Variants in EPS15 observed in about 807,000 individuals in gnomAD.
The protein encoded by EPS15 is epidermal growth factor receptor pathway substrate 15, also known as epidermal growth factor receptor substrate 15.
A neutral mutation model predicts 113.8 loss-of-function variants in EPS15; 72 were observed. That is an observed-to-expected ratio of 0.63 (90% CI 0.52 to 0.77). The LOEUF (loss-of-function observed/expected upper bound fraction) is 0.77. EPS15 is among the 30% of genes least tolerant of loss of function. EPS15 has a pLI of 0.00. For missense variants in EPS15, 1,048 were observed against 1,045.8 expected (o/e 1.00, Z -0.03); for synonymous variants, 344 against 363.4 (o/e 0.95, Z 0.61).
chr1:51,498,818 G>A (rs1422985769), intron 1 of EPS15, among the ~76,000 whole-genome samples: 2 of 152,040 alleles, frequency 1.3e-5, no homozygotes, highest in African/African-American at 4.8e-5. Context: ...TATTGCCACA[G>A]TTTGAATGTT....
At chr1:51,372,845 G>T in intron 21 of EPS15, 1 of 606,788 alleles carries the variant, frequency 1.6e-6, no homozygotes, top group South Asian at 1.9e-5. Flanking sequence ...AGAGGTCCAT[G>T]GTTTGAGGAG....
Position 51,451,505 on chromosome 1 carries a change from A to AAAAAAAAAAGAAAG in EPS15, c.562-3371_562-3370insCTTTCTTTTTTTTT, listed in dbSNP as rs763389428. Among the ~76,000 whole-genome samples, 25 of 147,530 alleles carry AAAAAAAAAAGAAAG rather than the reference A, an allele frequency of 1.7e-4. 1 individual carries two copies. The highest frequency in any genetic ancestry group is 2.4e-4 in the Non-Finnish European group (16 of 66,934). On this transcript the variant is annotated intron_variant, in intron 8 of 24. Transcript: ENST00000371733. ...GACTCCATCTCAAAAAAAAAAAAAAAAAAGAAAGAAAGAAAGAAAAGAAAA... is the reference window on the plus strand; with the variant it reads ...GACTCCATCTCAAAAAAAAAAAAAAAAAAAAAAAAGAAAGAAAGAAAGAAAGAAAGAAAAGAAAA...
intron 21 of EPS15, among the ~76,000 whole-genome samples, chr1:51,390,870 C>A (rs1240061462): frequency 2.6e-5 from 4 of 152,188 alleles, no homozygotes; most frequent in African/African-American, 4.8e-5. Flanking sequence ...GTTGGTGGGA[C>A]TGTCAACTAG....
chr1:51,382,405 C>A (rs2148383043), intron 21 of EPS15: 1 of 151,328 alleles, frequency 6.6e-6, no homozygotes, highest in Non-Finnish European at 1.5e-5. Context: ...TTGTGGCATT[C>A]CATATTTTTA....
At chr1:51,476,063 A>G (rs1235138079) in intron 2 of EPS15, among the ~76,000 whole-genome samples, 1 of 152,174 alleles carries the variant, frequency 6.6e-6, no homozygotes, top group Non-Finnish European at 1.5e-5. Context: ...TACTAGTCCC[A>G]TGCTGTTTTG....
intron 24 of EPS15, among the ~76,000 whole-genome samples, chr1:51,359,917 T>C (rs1237058316): frequency 6.6e-6 from 1 of 152,080 alleles, no homozygotes; most frequent in Non-Finnish European, 1.5e-5. Context: ...TCTTTTTTTT[T>C]TTGGAGACAG....
At chr1:51,497,617 C>T (rs186514800) in intron 1 of EPS15, among the ~76,000 whole-genome samples, 32 of 152,246 alleles carry the variant, frequency 2.1e-4, no homozygotes, top group Non-Finnish European at 4.4e-4. Context: ...TATAAATATT[C>T]GTTAAATCAC....
intron 1 of EPS15, among the ~76,000 whole-genome samples, chr1:51,494,033 C>T (rs977070117): frequency 6.6e-6 from 1 of 152,146 alleles, no homozygotes; most frequent in African/African-American, 2.4e-5. Flanking sequence ...TCTTCTCTAC[C>T]CCAACCCTAC....
chr1:51,363,919 G>A lies in EPS15; in HGVS notation c.2306C>T (p.Pro769Leu). 6 of 1,613,880 alleles carry A rather than the reference G, an allele frequency of 3.7e-6. No homozygotes were observed. The highest frequency in any genetic ancestry group is 5.1e-6 in the Non-Finnish European group (6 of 1,179,848). Residue 769 changes from proline (P) to leucine (L), a missense_variant, in exon 23 of 25, where the codon CCA (proline) becomes CTA (leucine). Coordinates refer to ENST00000371733, the MANE Select transcript of EPS15 (RefSeq NM_001981.3). Reference protein sequence around the residue: ...ETSVKSEDEPPALPPKIGTPT... With the variant: ...ETSVKSEDEPLALPPKIGTPT... ...AGTTCCGATCTTTGGTGGCAGTGCTGGGGGTTCATCTTCACTTTTGACCGA... is the reference window on the plus strand; with the variant it reads ...AGTTCCGATCTTTGGTGGCAGTGCTAGGGGTTCATCTTCACTTTTGACCGA...
In EPS15 at chr1:51,403,403, T is replaced by A; in HGVS notation, c.1791+16A>T. On this transcript the variant is annotated intron_variant, in intron 17 of 24. Transcript: ENST00000371733. ...CCCTTACAAGTCCCCAATGTAAATATAAAATCATTTTTTACCTCTTTTGAA... is the reference window on the plus strand; with the variant it reads ...CCCTTACAAGTCCCCAATGTAAATAAAAAATCATTTTTTACCTCTTTTGAA... 7.0e-7 allele frequency: 1 copy of A among 1,425,604 alleles called. No individual in the cohort carries two copies. The highest frequency in any genetic ancestry group is 9.8e-7 in the Non-Finnish European group (1 of 1,015,888). The allele number at this position is 1,425,604 out of a possible 1,614,324, so 88.3% of individuals were successfully genotyped here. A position where few individuals can be genotyped will look rare whatever the true frequency, so the allele number is the denominator to read the frequency against.
intron 21 of EPS15, among the ~76,000 whole-genome samples, chr1:51,391,978 G>T (rs1254203601): frequency 6.6e-6 from 1 of 152,204 alleles, no homozygotes; most frequent in African/African-American, 2.4e-5. Flanking sequence ...GGAAAGAGAT[G>T]TGACTAGAGA....
chr1:51,508,338 G>GAAAGAAAGAA (rs745757925), intron 1 of EPS15, among the ~76,000 whole-genome samples: 113 of 122,312 alleles, frequency 9.2e-4, no homozygotes, highest in African/African-American at 2.7e-3. Context: ...AAGAGAAAGA[G>GAAAGAAAGAA]AGAAAGAAAG....
intron 1 of EPS15, among the ~76,000 whole-genome samples, chr1:51,507,825 T>C (rs1189643276): frequency 6.6e-6 from 1 of 152,132 alleles, no homozygotes; most frequent in Non-Finnish European, 1.5e-5. Context: ...TGATCTATCT[T>C]CTACTTTTCG....
Position 51,356,497 on chromosome 1 carries a change from T to C in EPS15, c.*203A>G. 1 of 472,760 alleles carries C rather than the reference T, an allele frequency of 2.1e-6. No individual in the cohort carries two copies. The highest frequency in any genetic ancestry group is 3.7e-6 in the Non-Finnish European group (1 of 272,022). 29.3% of individuals were successfully genotyped at this position (472,760 alleles called of 1,614,324 possible). On this transcript the variant is annotated 3_prime_UTR_variant, in exon 25 of 25. Coordinates refer to ENST00000371733, the MANE Select transcript of EPS15 (RefSeq NM_001981.3). ...CTAAGTGAAGGTGAATTTGTCTGAC[T>C]GGGTTACGGCTTTTATAAGAAAAAA...
chr1:51,504,222 C>G (rs1360895056), intron 1 of EPS15, among the ~76,000 whole-genome samples: 2 of 152,054 alleles, frequency 1.3e-5, no homozygotes, highest in South Asian at 4.2e-4. Flanking sequence ...GCCTGGGCAA[C>G]ATGGTGAAAC....
Position 51,366,022 on chromosome 1 carries a change from G to T in EPS15, c.2127C>A (p.Asp709Glu). 1 of 1,610,294 alleles carries T rather than the reference G, an allele frequency of 6.2e-7. No homozygotes were observed. Among genetic ancestry groups the T allele is most frequent in the Non-Finnish European group, 8.5e-7 (1 of 1,177,470 alleles). ...TVVAASDSAT[D>E]PFASVFGNES... ...CATTCCCAAAAACAGAAGCAAAGGGGTCTGTGGCTAAAATGAATAAAGAAA... is the reference window on the plus strand; with the variant it reads ...CATTCCCAAAAACAGAAGCAAAGGGTTCTGTGGCTAAAATGAATAAAGAAA... Residue 709 changes from aspartate (D) to glutamate (E), a missense_variant, in exon 22 of 25, where the codon GAC (aspartate) becomes GAA (glutamate). Coordinates refer to ENST00000371733, the MANE Select transcript of EPS15 (RefSeq NM_001981.3).
chr1:51,442,498 GAA>G (rs2148476601), intron 11 of EPS15, among the ~76,000 whole-genome samples: 1 of 152,186 alleles, frequency 6.6e-6, no homozygotes, highest in East Asian at 1.9e-4. Context: ...CCCAGATACT[GAA>G]AAAAGTTTAG....
At chr1:51,410,355 C>A (rs1162647518) in intron 13 of EPS15, among the ~76,000 whole-genome samples, 1 of 148,254 alleles carries the variant, frequency 6.7e-6, no homozygotes, top group Admixed American at 6.7e-5. Context: ...CATGCCACAG[C>A]ATGCCCAGAC....
chr1:51,460,611 C>A (rs895618377), intron 8 of EPS15, among the ~76,000 whole-genome samples: 1 of 151,806 alleles, frequency 6.6e-6, no homozygotes, highest in African/African-American at 2.4e-5. Context: ...GCAGAACACA[C>A]ATTTTCTGTT....
Sources: gnomAD v4.1 joint callset for allele counts (sites outside exome capture counted in the v4.1 genomes callset) on GRCh38, gnomAD v4.1.1 for gene constraint, MANE v1.5 for transcripts, NCBI Gene and HGNC (gene_info 2026-07-23, HGNC 2026-07-21) for gene names.